TANK: variants seen among roughly 807,000 people sequenced by gnomAD.
TANK encodes the protein TRAF family member associated NFKB activator.
TANK carries 15 observed loss-of-function variants against 43.6 expected under a neutral mutation model. That is an observed-to-expected ratio of 0.34 (90% CI 0.23 to 0.53). TANK has a LOEUF of 0.53. Among genes scored for constraint, TANK ranks in the 20% least tolerant of loss-of-function variants. The pLI, the probability that TANK is intolerant of heterozygous loss-of-function variation, is 0.94. For missense variants in TANK, 417 were observed against 498.6 expected (o/e 0.84, Z 1.56); for synonymous variants, 162 against 178.2 (o/e 0.91, Z 0.73).
intron 2 of TANK, chr2:161,201,221 T>C (rs1175058384): frequency 1.0e-6 from 1 of 980,022 alleles, no homozygotes; most frequent in Non-Finnish European, 1.2e-6. Flanking sequence ...TAAGAAGTAG[T>C]TAAAACTTCA....
chr2:161,173,669 G>A (rs1020309415), intron 1 of TANK, among the ~76,000 whole-genome samples: 1 of 151,666 alleles, frequency 6.6e-6, no homozygotes, highest in African/African-American at 2.4e-5. Flanking sequence ...TTGACCTTTT[G>A]GCTAATTATT....
At chr2:161,177,512 A>G (rs1685221802) in intron 1 of TANK, among the ~76,000 whole-genome samples, 2 of 152,206 alleles carry the variant, frequency 1.3e-5, no homozygotes, top group South Asian at 4.1e-4. Flanking sequence ...CTGGACCCCT[A>G]CCTCACACCT....
chr2:161,235,726 A>C lies in TANK; in HGVS notation c.*208A>C, dbSNP rs946096951. The C allele has an allele frequency of 1.3e-5, 5 of 392,942 alleles. No homozygotes were observed. In the Admixed American group the frequency reaches 2.1e-4, roughly 17 times the overall value. 24.3% of individuals were successfully genotyped at this position (392,942 alleles called of 1,614,324 possible). A position where few individuals can be genotyped will look rare whatever the true frequency, so the allele number is the denominator to read the frequency against. On this transcript the variant is annotated 3_prime_UTR_variant, in exon 8 of 8. Transcript: ENST00000392749. Reference sequence around the variant, plus strand: ...CAAGGAGAAATAAGCCTAAAAGAAGAAAAACAAAAAAAATTCTGTATAAAA... The same window carrying C: ...CAAGGAGAAATAAGCCTAAAAGAAGCAAAACAAAAAAAATTCTGTATAAAA...
At chr2:161,221,230 G>A (rs1028776115) in intron 4 of TANK, among the ~76,000 whole-genome samples, 1 of 152,122 alleles carries the variant, frequency 6.6e-6, no homozygotes, top group Admixed American at 6.6e-5. Flanking sequence ...AACAGTTTAT[G>A]ATGTTAAGTA....
rs116806530 is a variant in TANK at position 161,202,990 on chromosome 2, T to C, written c.100-497T>C. Reference sequence around the variant, plus strand: ...GTGGAGAAGTTTCTGGTCAGTATAATTTTATAATTTGCATTTGTCCCTTTG... The same window carrying C: ...GTGGAGAAGTTTCTGGTCAGTATAACTTTATAATTTGCATTTGTCCCTTTG... On this transcript the variant is annotated intron_variant, in intron 2 of 7. Transcript: ENST00000392749. 458 of 329,902 alleles carry C rather than the reference T, an allele frequency of 1.4e-3. 4 individuals are homozygous for C. Among genetic ancestry groups the C allele is most frequent in the African/African-American group, 9.7e-3 (428 of 44,288 alleles). 20.4% of individuals were successfully genotyped at this position (329,902 alleles called of 1,614,324 possible). A position where few individuals can be genotyped will look rare whatever the true frequency, so the allele number is the denominator to read the frequency against.
In TANK at chr2:161,204,740, G is replaced by T; in HGVS notation, c.274G>T (p.Asp92Tyr). The T allele has an allele frequency of 6.2e-7, 1 of 1,607,592 alleles. No homozygotes were observed. The highest frequency in any genetic ancestry group is 1.1e-5 in the South Asian group (1 of 90,034). The part of the protein sequence containing the change: ...SETRKNNLTL[D>Y]QPQDKVISGI... ...AACAAGAAAGAATAATTTGACTCTTGATCAGCCACAAGATAAAGTGATTTC... is the reference window on the plus strand; with the variant it reads ...AACAAGAAAGAATAATTTGACTCTTTATCAGCCACAAGATAAAGTGATTTC... The change falls in exon 4 of 8, where the codon GAT becomes TAT. Residue 92 changes from aspartate to tyrosine, a missense_variant. Transcript: ENST00000392749.
intron 1 of TANK, among the ~76,000 whole-genome samples, chr2:161,167,255 T>C (rs536344862): frequency 6.6e-6 from 1 of 152,344 alleles, no homozygotes; most frequent in South Asian, 2.1e-4. Context: ...AAACGTGGAA[T>C]TCCAATGTAT....
chr2:161,163,104 T>G (rs1273266246), intron 1 of TANK: 1 of 152,168 alleles, frequency 6.6e-6, no homozygotes, highest in African/African-American at 2.4e-5. Flanking sequence ...TTTTCTGTTA[T>G]TTTTGCTAGG....
intron 2 of TANK, among the ~76,000 whole-genome samples, chr2:161,189,502 A>G (rs1685817098): frequency 6.6e-6 from 1 of 152,208 alleles, no homozygotes; most frequent in South Asian, 2.1e-4. Context: ...AGTCAAGGAT[A>G]TACTTCTATT....
chr2:161,146,892 G>A (rs953509017), intron 1 of TANK, among the ~76,000 whole-genome samples: 1 of 152,130 alleles, frequency 6.6e-6, no homozygotes, highest in African/African-American at 2.4e-5. Context: ...CCACTCATCT[G>A]GGCTGCCTAG....
chr2:161,195,428 A>T (rs758113677), intron 2 of TANK, among the ~76,000 whole-genome samples: 5 of 152,204 alleles, frequency 3.3e-5, no homozygotes, highest in Non-Finnish European at 7.3e-5. Flanking sequence ...TTATCATTAT[A>T]TAATGATTTT....
intron 1 of TANK, among the ~76,000 whole-genome samples, chr2:161,142,175 TG>T (rs2105211891): frequency 6.6e-6 from 1 of 152,262 alleles, no homozygotes; most frequent in East Asian, 1.9e-4. Context: ...TTGATGGGGT[TG>T]TTTTTTTCTT....
At chr2:161,220,487 C>T (rs1342186355) in intron 4 of TANK, among the ~76,000 whole-genome samples, 2 of 152,056 alleles carry the variant, frequency 1.3e-5, no homozygotes, top group East Asian at 3.9e-4. Flanking sequence ...CCTGTAATCT[C>T]AGCTACTTGG....
At chr2:161,204,617 C>T in intron 3 of TANK, 58 bp from the exon 4 acceptor site, 1 of 1,528,744 alleles carries the variant, frequency 6.5e-7, no homozygotes, top group Non-Finnish European at 8.8e-7. Context: ...TTTGCTTTTT[C>T]AGGTGGTACC....
chr2:161,188,311 AAAG>A, intron 2 of TANK, among the ~76,000 whole-genome samples: 1 of 152,316 alleles, frequency 6.6e-6, no homozygotes, highest in African/African-American at 2.4e-5. Context: ...TTGACTAAAA[AAAG>A]AGGGAAGACA....
intron 2 of TANK, chr2:161,180,230 A>G (rs1026996420): frequency 5.5e-6 from 3 of 550,154 alleles, no homozygotes; most frequent in African/African-American, 4.1e-5. Flanking sequence ...TAACAATTCA[A>G]AGTAGACTAT....
At chr2:161,210,689 C>T (rs1345027736) in intron 4 of TANK, among the ~76,000 whole-genome samples, 1 of 143,426 alleles carries the variant, frequency 7.0e-6, no homozygotes, top group Non-Finnish European at 1.5e-5. Flanking sequence ...AAGAGTGAAA[C>T]TCCGTCTAAA....
Position 161,230,730 on chromosome 2 carries a change from G to A in TANK, c.521-241G>A, listed in dbSNP as rs143914226. On this transcript the variant is annotated intron_variant, in intron 6 of 7. Transcript: ENST00000392749. ...ACTGTGAACAAGATGCAAAGCTTAC[G>A]GCAGAAGACTTAGGAAAAGACAAAG... 8.8e-3 allele frequency among the ~76,000 whole-genome samples: 1,333 copies of A among 152,196 alleles called. 25 individuals carry two copies. Among genetic ancestry groups the A allele is most frequent in the African/African-American group, 0.03 (1,262 of 41,508 alleles).
intron 4 of TANK, among the ~76,000 whole-genome samples, chr2:161,220,594 ACT>A (rs1687298613): frequency 6.6e-6 from 1 of 151,886 alleles, no homozygotes; most frequent in African/African-American, 2.4e-5. Context: ...CAAAAGCGAG[ACT>A]CTGTCTCAAA....
Sources: allele counts gnomAD v4.1 joint callset (sites outside exome capture counted in the v4.1 genomes callset), GRCh38; gene constraint gnomAD v4.1.1; transcripts MANE v1.5; gene names NCBI Gene and HGNC (gene_info 2026-07-23, HGNC 2026-07-21).